The following CAMK1D variants were observed in gnomAD, a reference collection of about 807,000 sequenced individuals.
CAMK1D encodes calcium/calmodulin-dependent protein kinase type 1D.
In CAMK1D, 9 loss-of-function variants were observed where a neutral mutation model predicts 47.7. The ratio of observed to expected loss-of-function variants is 0.19; its 90% CI spans 0.11 to 0.33. CAMK1D has a LOEUF of 0.33. Among genes scored for constraint, CAMK1D ranks in the 10% least tolerant of loss-of-function variants. CAMK1D has a pLI of 1.00. For synonymous variants in CAMK1D, 184 were observed against 184.9 expected, an observed-to-expected ratio of 0.99 and a Z score of 0.04; for missense variants, 291 against 488.7, an observed-to-expected ratio of 0.60 and a Z score of 3.81.
chr10:12,447,107 G>C (rs1398049974), intron 1 of CAMK1D, among the ~76,000 whole-genome samples: 1 of 152,062 alleles, frequency 6.6e-6, no homozygotes, highest in African/African-American at 2.4e-5. Context: ...CTCTCTCTCT[G>C]TCTTTTTTTA....
intron 2 of CAMK1D, among the ~76,000 whole-genome samples, chr10:12,663,535 A>C (rs958881656): frequency 3.3e-5 from 5 of 152,106 alleles, no homozygotes; most frequent in Admixed American, 6.6e-5. Flanking sequence ...ATTTCTGGTA[A>C]GTGTGAGACA....
intron 1 of CAMK1D, among the ~76,000 whole-genome samples, chr10:12,353,496 G>C (rs750659342): frequency 5.9e-5 from 9 of 152,206 alleles, no homozygotes; most frequent in Non-Finnish European, 7.4e-5. Flanking sequence ...GGTCAAGGCG[G>C]TTAGGCTGTA....
rs944900781 is a variant in CAMK1D at position 12,666,666 on chromosome 10, T to C, written c.225-70T>C. On this transcript the variant is annotated intron_variant, in intron 2 of 10. Coordinates refer to ENST00000619168, the MANE Select transcript of CAMK1D (RefSeq NM_153498.4). The stretch of plus-strand genomic sequence containing the variant: ...TCTGTTTTGTAACTTTTTGCTACAA[T>C]GCTGTCTGTTTTGAAACATTTTCCT... The C allele has an allele frequency of 6.5e-6, 8 of 1,227,748 alleles. No homozygotes were observed. In the East Asian group the frequency reaches 1.2e-4, roughly 18 times the overall value. The allele number at this position is 1,227,748 out of a possible 1,614,324, so 76.1% of individuals were successfully genotyped here. A position where few individuals can be genotyped will look rare whatever the true frequency, so the allele number is the denominator to read the frequency against.
At chr10:12,696,242 A>C (rs1230101002) in intron 3 of CAMK1D, among the ~76,000 whole-genome samples, 2 of 152,042 alleles carry the variant, frequency 1.3e-5, no homozygotes, top group Non-Finnish European at 2.9e-5. Context: ...ACTGCTTTAA[A>C]AGTATTTCAA....
chr10:12,694,903 G>C (rs1833202892), intron 3 of CAMK1D, among the ~76,000 whole-genome samples: 1 of 151,906 alleles, frequency 6.6e-6, no homozygotes, highest in Non-Finnish European at 1.5e-5. Context: ...TTTGTATTTT[G>C]CTAAACTGTC....
intron 1 of CAMK1D, among the ~76,000 whole-genome samples, chr10:12,486,103 C>T (rs1305888430): frequency 1.3e-5 from 2 of 151,816 alleles, no homozygotes; most frequent in Non-Finnish European, 2.9e-5. Flanking sequence ...AGCACCCATG[C>T]AGTGCACACA....
intron 2 of CAMK1D, among the ~76,000 whole-genome samples, chr10:12,654,043 A>G (rs1840052830): frequency 6.6e-6 from 1 of 152,188 alleles, no homozygotes; most frequent in Admixed American, 6.5e-5. Context: ...CCTTTCCCCT[A>G]GATTCCAGTG....
At chr10:12,464,239 C>G (rs992142372) in intron 1 of CAMK1D, among the ~76,000 whole-genome samples, 4 of 152,180 alleles carry the variant, frequency 2.6e-5, no homozygotes, top group African/African-American at 7.2e-5. Context: ...ATGGGACACT[C>G]TGCAGATACC....
chr10:12,762,030 A>T (rs561588370), intron 4 of CAMK1D, among the ~76,000 whole-genome samples: 1 of 152,246 alleles, frequency 6.6e-6, no homozygotes, highest in Non-Finnish European at 1.5e-5. Flanking sequence ...CAGCAGGTCT[A>T]TGTAGACACT....
intron 3 of CAMK1D, among the ~76,000 whole-genome samples, chr10:12,733,756 C>T (rs1835004078): frequency 1.3e-5 from 2 of 152,166 alleles, no homozygotes; most frequent in Admixed American, 1.3e-4. Flanking sequence ...AGTTATTTGG[C>T]TCAAATGGTT....
chr10:12,813,138 T>G (rs930110768), intron 6 of CAMK1D, among the ~76,000 whole-genome samples: 1 of 152,214 alleles, frequency 6.6e-6, no homozygotes, highest in African/African-American at 2.4e-5. Context: ...AGCATTAATA[T>G]GATCTGCTAA....
At chr10:12,818,104 C>T (rs1053291997) in intron 8 of CAMK1D, among the ~76,000 whole-genome samples, 2 of 151,912 alleles carry the variant, frequency 1.3e-5, no homozygotes, top group Non-Finnish European at 2.9e-5. Context: ...GGAGAAAATC[C>T]CCCTAAAAAT....
In CAMK1D at chr10:12,666,729, T is replaced by C; in HGVS notation, c.225-7T>C. ...TCACTATTTTGTGCGTCTATTTTTT[T>C]TTTCAGGATTAAGCATGAAAATATT... On this transcript the variant is annotated splice_region_variant and splice_polypyrimidine_tract_variant and intron_variant, in intron 2 of 10. Transcript: ENST00000619168. The C allele has an allele frequency of 6.2e-7, 1 of 1,610,448 alleles. No individual in the cohort carries two copies. The highest frequency in any genetic ancestry group is 8.5e-7 in the Non-Finnish European group (1 of 1,177,282).
At chr10:12,454,228 T>A (rs1404377248) in intron 1 of CAMK1D, among the ~76,000 whole-genome samples, 1 of 152,162 alleles carries the variant, frequency 6.6e-6, no homozygotes, top group Admixed American at 6.5e-5. Context: ...AGTGACGCGA[T>A]TTCAGCTCAC....
intron 2 of CAMK1D, among the ~76,000 whole-genome samples, chr10:12,555,694 A>C (rs1836737358): frequency 6.6e-6 from 1 of 152,218 alleles, no homozygotes; most frequent in Non-Finnish European, 1.5e-5. Flanking sequence ...TTGTAGATTG[A>C]ATTCTGGGTG....
chr10:12,645,744 G>C (rs533555997), intron 2 of CAMK1D, among the ~76,000 whole-genome samples: 30 of 152,310 alleles, frequency 2.0e-4, no homozygotes, highest in South Asian at 1.7e-3. Context: ...CGTAACAAAG[G>C]AAAGAGAGTT....
At chr10:12,447,708 A>G (rs937135755) in intron 1 of CAMK1D, among the ~76,000 whole-genome samples, 1 of 152,226 alleles carries the variant, frequency 6.6e-6, no homozygotes, top group African/African-American at 2.4e-5. Context: ...TTTCAAAAAA[A>G]AATATTGATT....
At chr10:12,699,691 A>G (rs1833435830) in intron 3 of CAMK1D, among the ~76,000 whole-genome samples, 1 of 149,848 alleles carries the variant, frequency 6.7e-6, no homozygotes, top group African/African-American at 2.5e-5. Flanking sequence ...TTGCTGATTG[A>G]TGAGGACGGT....
At chr10:12,746,363 C>CAAAAA (rs542434085) in intron 3 of CAMK1D, among the ~76,000 whole-genome samples, 1 of 86,834 alleles carries the variant, frequency 1.2e-5, no homozygotes, top group African/African-American at 4.9e-5. Context: ...GACTCCGTCT[C>CAAAAA]AAAAAAAAAA....
Sources: gnomAD v4.1 joint callset for allele counts (sites outside exome capture counted in the v4.1 genomes callset) on GRCh38, gnomAD v4.1.1 for gene constraint, MANE v1.5 for transcripts, NCBI Gene and HGNC (gene_info 2026-07-23, HGNC 2026-07-21) for gene names.